Variants in CUL2 observed in about 807,000 individuals in gnomAD.
CUL2 encodes the protein cullin 2.
In CUL2, 22 loss-of-function variants were observed where a neutral mutation model predicts 110.2. The observed-to-expected ratio is 0.20, with a 90% CI of 0.14 to 0.28. The LOEUF (loss-of-function observed/expected upper bound fraction) is 0.28. Among genes scored for constraint, CUL2 ranks in the 10% least tolerant of loss-of-function variants. The pLI is 1.00. For missense variants in CUL2, 631 were observed against 905.5 expected, an observed-to-expected ratio of 0.70 and a Z score of 3.89; for synonymous variants, 279 against 293.2, an observed-to-expected ratio of 0.95 and a Z score of 0.49.
At chr10:35,032,549 T>C in intron 11 of CUL2, 55 bp from the exon 12 acceptor site, 1 of 1,362,640 alleles carries the variant, frequency 7.3e-7, no homozygotes, top group Non-Finnish European at 1.0e-6. Flanking sequence ...AAAGTACAGC[T>C]AGTTCAATAT....
intron 1 of CUL2, among the ~76,000 whole-genome samples, chr10:35,106,109 G>T (rs1181460880): frequency 6.6e-6 from 1 of 152,116 alleles, no homozygotes; most frequent in Non-Finnish European, 1.5e-5. Context: ...GCTTTGGGAG[G>T]TGTTACGTCA....
rs1369814199 is a variant in CUL2 at position 35,031,728 on chromosome 10, C to CT, written c.1171-110dup. On this transcript the variant is annotated intron_variant, in intron 12 of 20. Coordinates refer to ENST00000374749, the MANE Select transcript of CUL2 (RefSeq NM_003591.4). The surrounding 1 kb of genome is among the most constrained non-coding windows in gnomAD (Gnocchi z 4.4). ...GTAAGATCAGCGGACAGAATTTTTG[C>CT]TGTTTTTTTTAGAGACCGGGTCTTG... 1 of 1,269,476 alleles carries CT rather than the reference C, an allele frequency of 7.9e-7. No homozygotes were observed. The highest frequency in any genetic ancestry group is 1.1e-6 in the Non-Finnish European group (1 of 908,912). The allele number at this position is 1,269,476 out of a possible 1,614,324, so 78.6% of individuals were successfully genotyped here. A position where few individuals can be genotyped will look rare whatever the true frequency, so the allele number is the denominator to read the frequency against.
intron 2 of CUL2, among the ~76,000 whole-genome samples, chr10:35,069,278 C>T (rs2086619325): frequency 6.6e-6 from 1 of 152,042 alleles, no homozygotes; most frequent in African/African-American, 2.4e-5. Context: ...GTGGCTCACA[C>T]CTGTAATCCT....
At chr10:35,102,928 A>G (rs903680397) in intron 1 of CUL2, among the ~76,000 whole-genome samples, 3 of 152,038 alleles carry the variant, frequency 2.0e-5, no homozygotes, top group Non-Finnish European at 4.4e-5. Flanking sequence ...CTAGGTGACA[A>G]TGTTAGTTCC....
In CUL2 at chr10:35,060,933, C is replaced by T. The variant is rs1167473918; in HGVS notation, c.258G>A (p.Met86Ile). 1 of 1,613,810 alleles carries T rather than the reference C, an allele frequency of 6.2e-7. No homozygotes were observed. The highest frequency in any genetic ancestry group is 8.5e-7 in the Non-Finnish European group (1 of 1,179,892). The change falls in exon 4 of 21, where the codon ATG (methionine) becomes ATA (isoleucine). Residue 86 changes from methionine to isoleucine, a missense_variant. Around this residue, in one of 3 missense-constraint regions of CUL2, gnomAD observed 338 missense variants for 442.5 expected, o/e 0.76. Transcript: ENST00000374749. ...VLESEEQVLV[M>I]YHRYWEEYSK... ...TGTATTCTTCCCAGTACCTATGATA[C>T]ATAACAAGTACTTGTTCTTCTGACT...
intron 1 of CUL2, among the ~76,000 whole-genome samples, chr10:35,082,545 G>A (rs181105997): frequency 9.9e-5 from 15 of 152,166 alleles, no homozygotes; most frequent in Admixed American, 3.9e-4. Context: ...CCTTAATGAC[G>A]GTTAAAATGG....
At chr10:35,081,071 G>A (rs760616346) in intron 1 of CUL2, among the ~76,000 whole-genome samples, 4 of 151,972 alleles carry the variant, frequency 2.6e-5, no homozygotes, top group Non-Finnish European at 5.9e-5. Flanking sequence ...AATTATAGTA[G>A]CTGGGCCCTC....
chr10:35,020,969 T>G (rs2085165505), intron 17 of CUL2, among the ~76,000 whole-genome samples: 1 of 151,280 alleles, frequency 6.6e-6, no homozygotes, highest in Non-Finnish European at 1.5e-5. Flanking sequence ...ATGGGTTTTT[T>G]TTTTTTTTTT....
chr10:35,045,120 T>C (rs962406599), intron 6 of CUL2, among the ~76,000 whole-genome samples: 1 of 152,206 alleles, frequency 6.6e-6, no homozygotes, highest in African/African-American at 2.4e-5. Flanking sequence ...AAGTTCAAGA[T>C]ACTATGTCAG....
intron 5 of CUL2, among the ~76,000 whole-genome samples, chr10:35,050,189 C>T (rs1401756888): frequency 6.6e-6 from 1 of 152,034 alleles, no homozygotes; most frequent in South Asian, 2.1e-4. Flanking sequence ...GGTGTGGTGG[C>T]ATGCGCCTGT....
At chr10:35,102,181 A>C (rs2087389203) in intron 1 of CUL2, among the ~76,000 whole-genome samples, 1 of 152,172 alleles carries the variant, frequency 6.6e-6, no homozygotes, top group Non-Finnish European at 1.5e-5. Context: ...CAGAGGTTAC[A>C]GTGAGCTGAG....
At chr10:35,023,838 A>G (rs1040967388) in intron 17 of CUL2, among the ~76,000 whole-genome samples, 2 of 151,992 alleles carry the variant, frequency 1.3e-5, no homozygotes, top group African/African-American at 4.8e-5. Flanking sequence ...AATAGAACAT[A>G]TTGATTGACT....
At chr10:35,092,718 C>T (rs2087230425), upstream of CUL2, among the ~76,000 whole-genome samples, 6 of 152,134 alleles carry the variant, frequency 3.9e-5, no homozygotes, top group South Asian at 1.2e-3. Context: ...TGGGCATAGG[C>T]CAACTTAATT....
intron 3 of CUL2, among the ~76,000 whole-genome samples, 168 bp downstream of exon 3, chr10:35,062,792 G>A (rs377338651): frequency 1.1e-4 from 16 of 151,972 alleles, no homozygotes; most frequent in Middle Eastern, 3.4e-3. Flanking sequence ...AGCCATGATC[G>A]CGCCACTGCA....
chr10:35,126,195 C>T (rs185840794), intron 1 of CUL2, among the ~76,000 whole-genome samples: 10 of 152,258 alleles, frequency 6.6e-5, no homozygotes, highest in Admixed American at 2.0e-4. Context: ...TCAAGCGATC[C>T]TCCCACCTTG....
At position 35,031,006 on chromosome 10, in the gene CUL2, T is replaced by C. The variant is rs1252132720; in HGVS notation, c.1386+294A>G. Among the ~76,000 whole-genome samples the C allele has an allele frequency of 6.6e-6, 1 of 152,346 alleles. No homozygotes were observed. Among genetic ancestry groups the C allele is most frequent in the East Asian group, 1.9e-4 (1 of 5,192 alleles). On this transcript the variant is annotated intron_variant, in intron 14 of 20. Transcript: ENST00000374749. This position sits in a 1 kb window ranked among gnomAD's most constrained non-coding sequence, Gnocchi z 4.4. ...CAAGCTGAAATGATGTAAAAATAAATTGAAATGGAATTGCACTCCAAAATC... is the reference window on the plus strand; with the variant it reads ...CAAGCTGAAATGATGTAAAAATAAACTGAAATGGAATTGCACTCCAAAATC...
chr10:35,094,274 T>C (rs1325105705), upstream of CUL2, among the ~76,000 whole-genome samples: 1 of 151,988 alleles, frequency 6.6e-6, no homozygotes, highest in Non-Finnish European at 1.5e-5. Flanking sequence ...TCGCTCTTGT[T>C]GCCCAGGCTG....
intron 19 of CUL2, among the ~76,000 whole-genome samples, chr10:35,012,282 G>A (rs1564691736): frequency 6.6e-6 from 1 of 152,012 alleles, no homozygotes; most frequent in South Asian, 2.1e-4. Flanking sequence ...AATTTCTAGG[G>A]TTAAAGTTGA....
intron 2 of CUL2, among the ~76,000 whole-genome samples, chr10:35,068,035 G>A (rs1380307459): frequency 4.6e-5 from 7 of 151,390 alleles, no homozygotes; most frequent in South Asian, 2.1e-4. Flanking sequence ...GCATGAACCC[G>A]GGAGGCGGAG....
Sources: gnomAD v4.1 joint callset for allele counts (sites outside exome capture counted in the v4.1 genomes callset) on GRCh38, gnomAD v4.1.1 for gene constraint, gnomAD v4.1.1 regional missense constraint, Gnocchi (gnomAD v3.1) non-coding constraint, MANE v1.5 for transcripts, NCBI Gene and HGNC (gene_info 2026-07-23, HGNC 2026-07-21) for gene names.